The following AOPEP variants were observed in gnomAD, a reference collection of about 807,000 sequenced individuals.
The protein encoded by AOPEP is aminopeptidase O.
A neutral mutation model predicts 98.1 loss-of-function variants in AOPEP; 77 were observed. That is an observed-to-expected ratio of 0.78 (90% confidence interval 0.65 to 0.95). The LOEUF (loss-of-function observed/expected upper bound fraction) is 0.95, where lower values mean the gene tolerates loss of function less well. Among genes scored for constraint, AOPEP ranks in the 40% least tolerant of loss-of-function variants. AOPEP has a pLI of 0.00. For missense variants in AOPEP, 1,024 were observed against 1,024.7 expected, an observed-to-expected ratio of 1.00 and a Z score of 0.01; for synonymous variants, 346 against 365.3, an observed-to-expected ratio of 0.95 and a Z score of 0.60.
At chr9:94,969,654 G>A (rs1240166580) in intron 10 of AOPEP, among the ~76,000 whole-genome samples, 9 of 152,138 alleles carry the variant, frequency 5.9e-5, no homozygotes, top group South Asian at 4.1e-4. Context: ...TGATCTGCCC[G>A]CCTCGGCCTC....
chr9:95,025,869 G>A (rs551663722), intron 13 of AOPEP, among the ~76,000 whole-genome samples: 1 of 152,248 alleles, frequency 6.6e-6, no homozygotes, highest in African/African-American at 2.4e-5. Flanking sequence ...GACTCTGCCA[G>A]TTCCCAGGCC....
intron 6 of AOPEP, among the ~76,000 whole-genome samples, chr9:94,924,851 G>C (rs753383986): frequency 6.6e-6 from 1 of 152,144 alleles, no homozygotes; most frequent in African/African-American, 2.4e-5. Flanking sequence ...AAAATACCAC[G>C]CAAGACAAAC....
intron 16 of AOPEP, among the ~76,000 whole-genome samples, chr9:95,083,410 C>A (rs912275265): frequency 6.6e-6 from 1 of 150,930 alleles, no homozygotes; most frequent in Non-Finnish European, 1.5e-5. Flanking sequence ...GCACGCACCA[C>A]GCAGAGCACA....
intron 7 of AOPEP, among the ~76,000 whole-genome samples, chr9:94,939,863 C>T (rs1040458108): frequency 2.0e-5 from 3 of 152,182 alleles, no homozygotes; most frequent in African/African-American, 7.2e-5. Flanking sequence ...GGGGGTTCTA[C>T]ATCCCTGGAG....
intron 5 of AOPEP, among the ~76,000 whole-genome samples, chr9:94,863,158 C>T (rs1461523516): frequency 6.6e-6 from 1 of 152,088 alleles, no homozygotes; most frequent in Non-Finnish European, 1.5e-5. Context: ...GGAACCGGGG[C>T]TGCTTCTCGC....
the AOPEP span, among the ~76,000 whole-genome samples, chr9:95,138,463 G>A: frequency 6.6e-6 from 1 of 152,244 alleles, no homozygotes; most frequent in Non-Finnish European, 1.5e-5. Context: ...GGTGTGGAGA[G>A]GGTGCTCGTA....
intron 5 of AOPEP, among the ~76,000 whole-genome samples, chr9:94,805,027 C>T (rs1564167083): frequency 6.6e-6 from 1 of 152,098 alleles, no homozygotes; most frequent in African/African-American, 2.4e-5. Context: ...AGGATGGTGG[C>T]AGGTCAGTGA....
chr9:95,088,952 C>G (rs1161936090), downstream of AOPEP, among the ~76,000 whole-genome samples: 4 of 152,226 alleles, frequency 2.6e-5, no homozygotes, highest in Non-Finnish European at 5.9e-5. Context: ...TTTGCTGCCT[C>G]CAGACCTGGG....
chr9:95,106,361 T>A, the AOPEP span, among the ~76,000 whole-genome samples: 1 of 152,274 alleles, frequency 6.6e-6, no homozygotes, highest in South Asian at 2.1e-4. Flanking sequence ...TTCTGAATAC[T>A]AAACTCTAAT....
At chr9:94,995,720 A>C (rs1168488244) in intron 11 of AOPEP, among the ~76,000 whole-genome samples, 2 of 152,226 alleles carry the variant, frequency 1.3e-5, no homozygotes, top group Non-Finnish European at 2.9e-5. Flanking sequence ...AGAAACTCCT[A>C]GAAGATAGAT....
At chr9:94,916,565 T>C (rs931146874) in intron 5 of AOPEP, among the ~76,000 whole-genome samples, 33 of 152,002 alleles carry the variant, frequency 2.2e-4, no homozygotes, top group African/African-American at 8.0e-4. Context: ...TAACTGGGCA[T>C]GGTGGGGCAC....
the AOPEP span, among the ~76,000 whole-genome samples, chr9:95,143,326 C>T: frequency 6.6e-6 from 1 of 152,148 alleles, no homozygotes; most frequent in Non-Finnish European, 1.5e-5. Flanking sequence ...TTATGGAGGT[C>T]TCACAATGTA....
At chr9:94,751,888 C>CTTTTTT in intron 1 of AOPEP, among the ~76,000 whole-genome samples, 1 of 104,546 alleles carries the variant, frequency 9.6e-6, no homozygotes, top group Admixed American at 9.9e-5. Flanking sequence ...CCCATGAAAA[C>CTTTTTT]TTTTTTTTTT....
intron 5 of AOPEP, among the ~76,000 whole-genome samples, chr9:94,886,627 C>T (rs2048272735): frequency 6.6e-6 from 1 of 152,066 alleles, no homozygotes; most frequent in African/African-American, 2.4e-5. Context: ...GCAAGATTTT[C>T]TTAGAAAAAG....
intron 5 of AOPEP, among the ~76,000 whole-genome samples, chr9:94,850,163 G>A (rs558828222): frequency 6.6e-6 from 1 of 152,254 alleles, no homozygotes; most frequent in South Asian, 2.1e-4. Context: ...CCCAGCCTGC[G>A]GGGTGAGCAC....
chr9:94,769,026 A>C (rs373338611), intron 2 of AOPEP, among the ~76,000 whole-genome samples: 2 of 152,168 alleles, frequency 1.3e-5, no homozygotes, highest in African/African-American at 4.8e-5. Flanking sequence ...CCTTCTGTGG[A>C]GGGGAAGGCA....
the AOPEP span, chr9:95,099,646 T>C: frequency 4.3e-6 from 1 of 231,410 alleles, no homozygotes; most frequent in Non-Finnish European, 8.5e-6. Context: ...AAGGGCCACA[T>C]GAAGCCAGCA....
chr9:94,903,420 A>G (rs1356804350), intron 5 of AOPEP, among the ~76,000 whole-genome samples: 1 of 152,096 alleles, frequency 6.6e-6, no homozygotes, highest in Non-Finnish European at 1.5e-5. Context: ...CTGTGATAGC[A>G]GGTGTCATCC....
At chr9:94,793,427 C>A (rs988449210) in intron 4 of AOPEP, among the ~76,000 whole-genome samples, 1 of 152,102 alleles carries the variant, frequency 6.6e-6, no homozygotes, top group Non-Finnish European at 1.5e-5. Context: ...GGCCTGTAAT[C>A]CCAGCACTTT....
Sources: gnomAD v4.1 joint callset for allele counts (sites outside exome capture counted in the v4.1 genomes callset) on GRCh38, gnomAD v4.1.1 for gene constraint, MANE v1.5 for transcripts, NCBI Gene and HGNC (gene_info 2026-07-23, HGNC 2026-07-21) for gene names.